The following IQSEC1 variants were observed in gnomAD, a reference collection of about 807,000 sequenced individuals.
The protein encoded by IQSEC1 is IQ motif and Sec7 domain ArfGEF 1.
IQSEC1 carries 31 observed loss-of-function variants against 91.0 expected under a neutral mutation model. The observed-to-expected ratio is 0.34, with a 90% CI of 0.26 to 0.46. The LOEUF (loss-of-function observed/expected upper bound fraction) is 0.46. Ranked by LOEUF, IQSEC1 falls within the 20% of genes least tolerant of loss-of-function variation. IQSEC1 has a pLI of 1.00. For missense variants in IQSEC1, 1,388 were observed against 1,575.6 expected (o/e 0.88, Z 2.02); for synonymous variants, 699 against 662.6 (o/e 1.05, Z -0.84).
intron 1 of IQSEC1, among the ~76,000 whole-genome samples, chr3:12,964,042 T>C (rs907310246): frequency 6.6e-6 from 1 of 152,196 alleles, no homozygotes; most frequent in Non-Finnish European, 1.5e-5. Context: ...GGCCAGGACT[T>C]GGAGGGACAC....
chr3:12,927,513 C>T (rs555493891), intron 3 of IQSEC1, among the ~76,000 whole-genome samples: 6 of 152,356 alleles, frequency 3.9e-5, no homozygotes, highest in African/African-American at 1.4e-4. Context: ...TGACCAGGTC[C>T]AGGCCCAGCC....
At chr3:13,175,735 G>A (rs1468945454) in intron 1 of IQSEC1, among the ~76,000 whole-genome samples, 4 of 152,200 alleles carry the variant, frequency 2.6e-5, no homozygotes, top group African/African-American at 4.8e-5. Flanking sequence ...CCCTAGATTC[G>A]GGATCTGGCG....
intron 1 of IQSEC1, among the ~76,000 whole-genome samples, chr3:13,252,355 T>C (rs1228538836): frequency 1.3e-5 from 2 of 152,236 alleles, no homozygotes; most frequent in Non-Finnish European, 2.9e-5. Flanking sequence ...TCATCCACAC[T>C]GTAGCATGTG....
chr3:13,057,505 A>G (rs1704919783), intron 1 of IQSEC1, among the ~76,000 whole-genome samples: 1 of 152,234 alleles, frequency 6.6e-6, no homozygotes, highest in Non-Finnish European at 1.5e-5. Flanking sequence ...ACATGCAGAC[A>G]CTACATGCAC....
At chr3:13,028,365 C>A (rs1056582343) in intron 1 of IQSEC1, among the ~76,000 whole-genome samples, 3 of 152,218 alleles carry the variant, frequency 2.0e-5, no homozygotes, top group African/African-American at 7.2e-5. Flanking sequence ...TCAGCTGTCC[C>A]CCGAGGCTGG....
chr3:12,941,563 T>A lies in IQSEC1; in HGVS notation c.318+8A>T. On this transcript the variant is annotated splice_region_variant and intron_variant, in intron 2 of 13. Coordinates refer to ENST00000613206, the MANE Select transcript of IQSEC1 (RefSeq NM_001134382.3). ...GCATGTGTGGCCTGAGGGGCTGTGC[T>A]CTCCTACCTGCTTGTCCTGCAGGTC... 5 of 1,553,478 alleles carry A rather than the reference T, an allele frequency of 3.2e-6. No individual in the cohort carries two copies. The highest frequency in any genetic ancestry group is 4.4e-6 in the Non-Finnish European group (5 of 1,143,606).
intron 1 of IQSEC1, among the ~76,000 whole-genome samples, chr3:13,241,322 G>A (rs766468196): frequency 2.0e-5 from 3 of 152,216 alleles, no homozygotes; most frequent in South Asian, 4.1e-4. Flanking sequence ...GGAAGCTTTC[G>A]AAGGACGACC....
intron 2 of IQSEC1, among the ~76,000 whole-genome samples, chr3:13,140,965 C>T (rs1706790991): frequency 1.3e-5 from 2 of 152,232 alleles, no homozygotes. Context: ...CTCTGCCTTG[C>T]CTGAAGGCAA....
intron 1 of IQSEC1, among the ~76,000 whole-genome samples, chr3:13,264,286 C>G (rs581086): frequency 6.6e-6 from 1 of 151,878 alleles, no homozygotes; most frequent in Non-Finnish European, 1.5e-5. Flanking sequence ...CAGTCCAGGC[C>G]GACTCACTAG....
intron 12 of IQSEC1, among the ~76,000 whole-genome samples, chr3:12,903,533 C>G (rs1694613280): frequency 6.6e-6 from 1 of 152,234 alleles, no homozygotes; most frequent in Admixed American, 6.5e-5. Context: ...CAGGAGGTCT[C>G]TGCCAGCATC....
chr3:13,039,636 T>C (rs7628142), intron 1 of IQSEC1, among the ~76,000 whole-genome samples: 55,051 of 152,164 alleles, frequency 0.36, 11,716 homozygotes, highest in African/African-American at 0.6. Context: ...ACAAGGGCCA[T>C]GAGAGGTGAG....
Position 13,008,211 on chromosome 3 carries a change from C to T in IQSEC1, c.23+64781G>A, listed in dbSNP as rs547438326. 6.6e-6 allele frequency among the ~76,000 whole-genome samples: 1 copy of T among 152,206 alleles called. No individual in the cohort carries two copies. Among genetic ancestry groups the T allele is most frequent in the Non-Finnish European group, 1.5e-5 (1 of 68,036 alleles). On this transcript the variant is annotated intron_variant, in intron 1 of 13. Transcript: ENST00000613206. The surrounding 1 kb of genome is among the most constrained non-coding windows in gnomAD (Gnocchi z 4.1). Reference sequence around the variant, plus strand: ...CTATGTCCGTCCATTACCATCACCACCTTGTCACCCTCCGTCTGGGGTCTG... The same window carrying T: ...CTATGTCCGTCCATTACCATCACCATCTTGTCACCCTCCGTCTGGGGTCTG...
At chr3:13,254,246 G>A (rs976769376) in intron 1 of IQSEC1, among the ~76,000 whole-genome samples, 1 of 152,228 alleles carries the variant, frequency 6.6e-6, no homozygotes, top group Non-Finnish European at 1.5e-5. Flanking sequence ...AACATGAACC[G>A]AGCCCGCTCC....
intron 1 of IQSEC1, among the ~76,000 whole-genome samples, chr3:13,045,005 C>T (rs1473163868): frequency 6.6e-6 from 1 of 152,248 alleles, no homozygotes; most frequent in East Asian, 1.9e-4. Context: ...GAACATTGAT[C>T]CTGGCCCTGT....
chr3:13,160,225 G>C (rs945988295), intron 2 of IQSEC1, among the ~76,000 whole-genome samples: 1 of 152,122 alleles, frequency 6.6e-6, no homozygotes. Context: ...TGGCAACTCC[G>C]ATCATTTGAG....
At chr3:12,931,436 C>A (rs1201943051) in intron 3 of IQSEC1, among the ~76,000 whole-genome samples, 3 of 152,260 alleles carry the variant, frequency 2.0e-5, no homozygotes, top group Non-Finnish European at 4.4e-5. Flanking sequence ...TCGCTGCCTG[C>A]ACCTACGCTT....
chr3:12,933,122 A>C (rs1473571649), intron 3 of IQSEC1, among the ~76,000 whole-genome samples: 1 of 152,256 alleles, frequency 6.6e-6, no homozygotes, highest in South Asian at 2.1e-4. Flanking sequence ...AGGCCGGGAC[A>C]TACCACCCCG....
intron 1 of IQSEC1, chr3:13,022,547 G>A (rs896155403): frequency 3.8e-6 from 3 of 793,038 alleles, no homozygotes; most frequent in Non-Finnish European, 1.5e-6. Context: ...GGCTGGCCCT[G>A]CGTCCAGAGG....
At position 13,163,665 on chromosome 3, in the gene IQSEC1, A is replaced by T. The variant is rs563346857; in HGVS notation, c.302+439T>A. ...CAGGGGCATTACGCCTGCCGTGGAG[A>T]CACCCCTGCATTGTTAGAGGCTGGT... On this transcript the variant is annotated intron_variant, in intron 2 of 15. Coordinates refer to the IQSEC1 transcript ENST00000648114. 2.6e-5 allele frequency among the ~76,000 whole-genome samples: 4 copies of T among 152,164 alleles called. No individual in the cohort carries two copies. In the South Asian group the frequency reaches 8.3e-4, roughly 32 times the overall value.
Sources: gnomAD v4.1 joint callset for allele counts (sites outside exome capture counted in the v4.1 genomes callset) on GRCh38, gnomAD v4.1.1 for gene constraint, Gnocchi (gnomAD v3.1) non-coding constraint, MANE v1.5 for transcripts, NCBI Gene and HGNC (gene_info 2026-07-23, HGNC 2026-07-21) for gene names.